FAT3: variants seen among roughly 807,000 people sequenced by gnomAD.
FAT3 encodes protocadherin Fat 3.
FAT3 carries 95 observed loss-of-function variants against 310.2 expected under a neutral mutation model. The ratio of observed to expected loss-of-function variants is 0.31; its 90% CI spans 0.26 to 0.36. The LOEUF (loss-of-function observed/expected upper bound fraction) is 0.36. Ranked by LOEUF, FAT3 falls within the 10% of genes least tolerant of loss-of-function variation. The pLI, the probability that FAT3 is intolerant of heterozygous loss-of-function variation, is 1.00. For missense variants in FAT3, 5,408 were observed against 5,715.6 expected, an observed-to-expected ratio of 0.95 and a Z score of 1.74; for synonymous variants, 2,314 against 2,192.9, an observed-to-expected ratio of 1.06 and a Z score of -1.54.
chr11:92,827,332 G>T (rs563475957), intron 13 of FAT3, among the ~76,000 whole-genome samples: 21 of 152,320 alleles, frequency 1.4e-4, no homozygotes, highest in African/African-American at 5.1e-4. Context: ...AACTTAATGA[G>T]CAGTTGCAGG....
At chr11:92,606,476 G>A (rs1166797347) in intron 3 of FAT3, among the ~76,000 whole-genome samples, 2 of 152,176 alleles carry the variant, frequency 1.3e-5, no homozygotes, top group Admixed American at 6.5e-5. Context: ...GGAGAGGTGG[G>A]CTGCTTTGGG....
chr11:92,760,826 A>G lies in FAT3; in HGVS notation c.3670-1030A>G, dbSNP rs145364853. ...TTATTTACACTAGGATGCAAAGTCTATATATTCTGTGAAAATTATGTATGT... is the reference window on the plus strand; with the variant it reads ...TTATTTACACTAGGATGCAAAGTCTGTATATTCTGTGAAAATTATGTATGT... On this transcript the variant is annotated intron_variant, in intron 4 of 27. Transcript: ENST00000525166. 4.2e-3 allele frequency among the ~76,000 whole-genome samples: 645 copies of G among 152,320 alleles called. 11 individuals carry two copies. Among genetic ancestry groups the G allele is most frequent in the East Asian group, 0.036 (184 of 5,182 alleles).
Position 92,777,030 on chromosome 11 carries a change from G to A in FAT3, c.4335+2850G>A, listed in dbSNP as rs146659679. Among the ~76,000 whole-genome samples, 11 of 152,220 alleles carry A rather than the reference G, an allele frequency of 7.2e-5. No homozygotes were observed. The East Asian group carries it at 2.1e-3, about 29-fold the overall frequency. ...GAACACTTTTACAAAAGGACATTTTGGGAAATAAAAGGCATTCTGAATTTC... is the reference window on the plus strand; with the variant it reads ...GAACACTTTTACAAAAGGACATTTTAGGAAATAAAAGGCATTCTGAATTTC... On this transcript the variant is annotated intron_variant, in intron 7 of 27. Coordinates refer to ENST00000525166, the MANE Select transcript of FAT3 (RefSeq NM_001367949.2).
chr11:92,790,736 T>A (rs1179200983), intron 8 of FAT3, among the ~76,000 whole-genome samples: 1 of 152,208 alleles, frequency 6.6e-6, no homozygotes, highest in African/African-American at 2.4e-5. Flanking sequence ...ACAGAGAGTA[T>A]AAATCTGAGT....
At chr11:92,642,262 G>C (rs956739249) in intron 3 of FAT3, among the ~76,000 whole-genome samples, 1 of 152,322 alleles carries the variant, frequency 6.6e-6, no homozygotes, top group East Asian at 1.9e-4. Context: ...ATTGCCTTTG[G>C]GTTCTCCAGT....
chr11:92,832,644 G>T (rs1415457862), intron 14 of FAT3, among the ~76,000 whole-genome samples: 2 of 152,134 alleles, frequency 1.3e-5, no homozygotes, highest in African/African-American at 4.8e-5. Flanking sequence ...AGAGGAAATA[G>T]TATTTGTATT....
chr11:92,429,400 G>A (rs1021364754), intron 2 of FAT3, among the ~76,000 whole-genome samples: 1 of 152,176 alleles, frequency 6.6e-6, no homozygotes, highest in Admixed American at 6.5e-5. Context: ...AGATTGTTAT[G>A]TGTGAATTTG....
At chr11:92,258,468 T>C (rs1865402888) in intron 1 of FAT3, among the ~76,000 whole-genome samples, 1 of 151,894 alleles carries the variant, frequency 6.6e-6, no homozygotes, top group African/African-American at 2.4e-5. Flanking sequence ...AAGAAGGAGA[T>C]GTTCCAACTG....
chr11:92,434,920 C>T (rs1950890896), intron 2 of FAT3, among the ~76,000 whole-genome samples: 1 of 152,128 alleles, frequency 6.6e-6, no homozygotes, highest in African/African-American at 2.4e-5. Flanking sequence ...TGTGTATCAA[C>T]TCCAATGGGA....
intron 2 of FAT3, among the ~76,000 whole-genome samples, chr11:92,507,479 G>T (rs1015516543): frequency 2.0e-5 from 3 of 151,684 alleles, no homozygotes; most frequent in African/African-American, 7.3e-5. Context: ...ATGTGTGGGG[G>T]TGTGTGTATA....
intron 3 of FAT3, among the ~76,000 whole-genome samples, chr11:92,597,183 G>A (rs1670881517): frequency 6.6e-6 from 1 of 152,166 alleles, no homozygotes; most frequent in South Asian, 2.1e-4. Context: ...GACTGTATTA[G>A]CTGTAGCTTA....
rs115227035 is a variant in FAT3 at position 92,540,014 on chromosome 11, G to A, written c.3607+15066G>A. Among the ~76,000 whole-genome samples the A allele has an allele frequency of 6.0e-3, 920 of 152,144 alleles. 6 individuals are homozygous for A. The highest frequency in any genetic ancestry group is 0.021 in the African/African-American group (872 of 41,536). On this transcript the variant is annotated intron_variant, in intron 3 of 27. Transcript: ENST00000525166. ...AAAGGGCTTGACATTTTTATTTTGC[G>A]CTGAGCCCTGCAAATCATGTAGCCC...
At chr11:92,477,151 A>T (rs1190249532) in intron 2 of FAT3, among the ~76,000 whole-genome samples, 3 of 152,226 alleles carry the variant, frequency 2.0e-5, no homozygotes, top group South Asian at 2.1e-4. Context: ...TTTTTAATTG[A>T]GACTGTCTGA....
intron 21 of FAT3, among the ~76,000 whole-genome samples, chr11:92,863,224 C>T (rs1295016958): frequency 6.6e-6 from 1 of 152,072 alleles, no homozygotes; most frequent in Non-Finnish European, 1.5e-5. Context: ...ACTACAGGCA[C>T]ATGCTACTGT....
chr11:92,661,593 G>A (rs1942785780), intron 3 of FAT3, among the ~76,000 whole-genome samples: 2 of 151,924 alleles, frequency 1.3e-5, no homozygotes, highest in Non-Finnish European at 2.9e-5. Context: ...TAATGCACTG[G>A]TGTCTTCTTT....
chr11:92,289,159 G>C (rs528586276), intron 1 of FAT3, among the ~76,000 whole-genome samples: 111 of 152,070 alleles, frequency 7.3e-4, no homozygotes, highest in Non-Finnish European at 1.2e-3. Flanking sequence ...TAAGTTATCT[G>C]TTTGGTGGTT....
Position 92,810,489 on chromosome 11 carries a change from G to A in FAT3, c.9481+413G>A, listed in dbSNP as rs116290620. Among the ~76,000 whole-genome samples, 683 of 152,236 alleles carry A rather than the reference G, an allele frequency of 4.5e-3. 4 individuals carry two copies. The highest frequency in any genetic ancestry group is 0.015 in the African/African-American group (640 of 41,536). On this transcript the variant is annotated intron_variant, in intron 13 of 27. Transcript: ENST00000525166. ...TTGTTTCCATGTCTATGAAGAACTCGGTCACATGCTTTAGCTGAAATATGA... is the reference window on the plus strand; with the variant it reads ...TTGTTTCCATGTCTATGAAGAACTCAGTCACATGCTTTAGCTGAAATATGA...
chr11:92,791,811 AT>A (rs1375610718), intron 8 of FAT3, among the ~76,000 whole-genome samples: 1 of 152,238 alleles, frequency 6.6e-6, no homozygotes, highest in African/African-American at 2.4e-5. Flanking sequence ...GGTTAAAGAA[AT>A]GATTATTTTC....
intron 1 of FAT3, among the ~76,000 whole-genome samples, chr11:92,283,901 C>T (rs547987603): frequency 6.6e-6 from 1 of 152,188 alleles, no homozygotes; most frequent in Admixed American, 6.5e-5. Flanking sequence ...TCCTGACCCA[C>T]CCAAGGAGGT....
Sources: gnomAD v4.1 joint callset for allele counts (sites outside exome capture counted in the v4.1 genomes callset) on GRCh38, gnomAD v4.1.1 for gene constraint, MANE v1.5 for transcripts, NCBI Gene and HGNC (gene_info 2026-07-23, HGNC 2026-07-21) for gene names.